The following DISP1 variants were observed in gnomAD, a reference collection of about 807,000 sequenced individuals.
DISP1 encodes the protein dispatched RND transporter family member 1, also known as protein dispatched homolog 1.
A neutral mutation model predicts 37.3 loss-of-function variants in DISP1; 30 were observed. The observed-to-expected ratio is 0.80, with a 90% CI of 0.60 to 1.09. The LOEUF (loss-of-function observed/expected upper bound fraction) is 1.09, where lower values mean the gene tolerates loss of function less well. Among genes scored for constraint, DISP1 ranks in the 50% least tolerant of loss-of-function variants. The pLI, the probability that DISP1 is intolerant of heterozygous loss-of-function variation, is 0.00. For synonymous variants in DISP1, 634 were observed against 690.2 expected (o/e 0.92, Z 1.28); for missense variants, 1,598 against 1,879.5 (o/e 0.85, Z 2.77).
intron 1 of DISP1, among the ~76,000 whole-genome samples, chr1:222,843,283 A>T (rs1005690912): frequency 6.6e-6 from 1 of 152,096 alleles, no homozygotes; most frequent in Non-Finnish European, 1.5e-5. Context: ...TCCTTTAAAG[A>T]ATAAATAACA....
chr1:222,824,163 A>G (rs186737436), intron 1 of DISP1, among the ~76,000 whole-genome samples: 4 of 152,280 alleles, frequency 2.6e-5, no homozygotes, highest in African/African-American at 9.6e-5. Flanking sequence ...GAACAGTAAT[A>G]AGTTTTATTA....
intron 1 of DISP1, among the ~76,000 whole-genome samples, chr1:222,912,244 T>A (rs1225479902): frequency 6.6e-6 from 1 of 152,234 alleles, no homozygotes; most frequent in Non-Finnish European, 1.5e-5. Context: ...CTTAATCATA[T>A]CTTCATATCT....
At position 222,933,541 on chromosome 1, in the gene DISP1, G is replaced by A. The variant is rs182264127; in HGVS notation, c.-18+4971G>A. Among the ~76,000 whole-genome samples, 18 of 151,940 alleles carry A rather than the reference G, an allele frequency of 1.2e-4. No homozygotes were observed. The East Asian group carries it at 3.3e-3, about 28-fold the overall frequency. Reference sequence around the variant, plus strand: ...GCAGAGAGCTAACTAATACCTAGTAGGCTCTTATGAAATATTTAGTGGTAT... The same window carrying A: ...GCAGAGAGCTAACTAATACCTAGTAAGCTCTTATGAAATATTTAGTGGTAT... On this transcript the variant is annotated intron_variant, in intron 2 of 8. Transcript: ENST00000675850.
chr1:222,883,193 A>C (rs1310877034), intron 1 of DISP1, among the ~76,000 whole-genome samples: 1 of 152,230 alleles, frequency 6.6e-6, no homozygotes, highest in East Asian at 1.9e-4. Flanking sequence ...ATACGCTTTA[A>C]CACATTAATT....
chr1:222,918,038 A>G (rs934601257), intron 1 of DISP1, among the ~76,000 whole-genome samples: 5 of 152,184 alleles, frequency 3.3e-5, no homozygotes, highest in African/African-American at 9.7e-5. Flanking sequence ...CCTCATTGCA[A>G]TAAGTGAAAT....
chr1:222,984,495 A>G (rs954346998), intron 4 of DISP1, among the ~76,000 whole-genome samples: 1 of 148,306 alleles, frequency 6.7e-6, no homozygotes, highest in Admixed American at 6.8e-5. Flanking sequence ...ATAGGTTTAT[A>G]TGTTATATAT....
At chr1:222,841,993 T>C (rs113814339) in intron 1 of DISP1, among the ~76,000 whole-genome samples, 1,913 of 152,238 alleles carry the variant, frequency 0.013, 37 homozygotes, top group African/African-American at 0.044. Flanking sequence ...AAGTACCTAA[T>C]GAATTTTGAA....
At chr1:222,895,137 A>T (rs1480850004) in intron 1 of DISP1, among the ~76,000 whole-genome samples, 1 of 152,168 alleles carries the variant, frequency 6.6e-6, no homozygotes, top group Non-Finnish European at 1.5e-5. Context: ...GTACACTCAC[A>T]TTTCTTAATT....
At chr1:222,879,265 T>C (rs940270551) in intron 1 of DISP1, among the ~76,000 whole-genome samples, 1 of 152,194 alleles carries the variant, frequency 6.6e-6, no homozygotes, top group African/African-American at 2.4e-5. Flanking sequence ...ATTTTTACTT[T>C]TCCATTTCCT....
At chr1:222,897,660 C>A (rs1053940300) in intron 1 of DISP1, among the ~76,000 whole-genome samples, 3 of 152,118 alleles carry the variant, frequency 2.0e-5, no homozygotes, top group African/African-American at 4.8e-5. Flanking sequence ...TGTCATTAAT[C>A]ATTTTATTTT....
intron 1 of DISP1, among the ~76,000 whole-genome samples, chr1:222,919,444 T>A (rs1257675175): frequency 1.3e-5 from 2 of 152,196 alleles, no homozygotes; most frequent in Non-Finnish European, 2.9e-5. Context: ...TCCTCCCTGC[T>A]CTGTCTACCC....
At chr1:222,831,025 T>G (rs927571585) in intron 1 of DISP1, 2 of 152,204 alleles carry the variant, frequency 1.3e-5, no homozygotes, top group African/African-American at 4.8e-5. Context: ...CTGATGGATC[T>G]TTTGGATTTG....
intron 1 of DISP1, among the ~76,000 whole-genome samples, chr1:222,831,758 G>A (rs894673252): frequency 1.3e-5 from 2 of 152,188 alleles, no homozygotes; most frequent in Non-Finnish European, 2.9e-5. Context: ...AGGATGGGAA[G>A]TTGCAGCATG....
chr1:222,980,494 T>A (rs1472131320), intron 3 of DISP1, among the ~76,000 whole-genome samples: 1 of 152,040 alleles, frequency 6.6e-6, no homozygotes, highest in Admixed American at 6.6e-5. Context: ...GTCCCTAGCT[T>A]CTTGCTTTTT....
At chr1:222,818,412 T>G (rs1249007955) in intron 1 of DISP1, among the ~76,000 whole-genome samples, 4 of 152,192 alleles carry the variant, frequency 2.6e-5, no homozygotes, top group African/African-American at 4.8e-5. Flanking sequence ...TCCCACCTCT[T>G]GTGTGAATGA....
At chr1:222,963,276 G>C (rs1676197213) in intron 3 of DISP1, among the ~76,000 whole-genome samples, 1 of 152,206 alleles carries the variant, frequency 6.6e-6, no homozygotes, top group Non-Finnish European at 1.5e-5. Context: ...TGAAACAATA[G>C]ATGCTGGCGA....
chr1:222,924,081 TAAGA>T (rs1672955228), intron 1 of DISP1, among the ~76,000 whole-genome samples: 1 of 152,292 alleles, frequency 6.6e-6, no homozygotes, highest in African/African-American at 2.4e-5. Flanking sequence ...GGAAATGAGA[TAAGA>T]AAGAAGAAAT....
intron 3 of DISP1, 54 bp from the exon 4 acceptor site, chr1:222,983,026 A>G: frequency 7.6e-7 from 1 of 1,319,664 alleles, no homozygotes; most frequent in South Asian, 1.3e-5. Context: ...TTATGTTATG[A>G]TGTTTATGAT....
intron 1 of DISP1, among the ~76,000 whole-genome samples, chr1:222,866,005 GTAAC>G (rs1347693438): frequency 6.6e-6 from 1 of 152,132 alleles, no homozygotes; most frequent in Non-Finnish European, 1.5e-5. Flanking sequence ...GTTGGTAAAA[GTAAC>G]TAAGAGAAAG....
Sources: allele counts gnomAD v4.1 joint callset (sites outside exome capture counted in the v4.1 genomes callset), GRCh38; gene constraint gnomAD v4.1.1; transcripts MANE v1.5; gene names NCBI Gene and HGNC (gene_info 2026-07-23, HGNC 2026-07-21).